Variants in GRIK5 observed in about 807,000 individuals in gnomAD.
GRIK5 encodes the protein glutamate ionotropic receptor kainate type subunit 5.
In GRIK5, 43 loss-of-function variants were observed where a neutral mutation model predicts 97.4. The ratio of observed to expected loss-of-function variants is 0.44; its 90% CI spans 0.35 to 0.57. GRIK5 has a LOEUF of 0.57. GRIK5 is among the 20% of genes least tolerant of loss of function. The pLI, the probability that GRIK5 is intolerant of heterozygous loss-of-function variation, is 0.01. For missense variants in GRIK5, 1,015 were observed against 1,382.0 expected (o/e 0.73, Z 4.21); for synonymous variants, 580 against 583.5 (o/e 0.99, Z 0.09).
intron 11 of GRIK5, among the ~76,000 whole-genome samples, chr19:42,050,620 T>C (rs978177006): frequency 1.4e-5 from 2 of 144,086 alleles, no homozygotes; most frequent in Admixed American, 1.4e-4. Context: ...ATCGCGCCAC[T>C]GCACTCCAGC....
At position 42,022,132 on chromosome 19, in the gene GRIK5, C is replaced by G; in HGVS notation, c.1588-76G>C. On this transcript the variant is annotated intron_variant, in intron 13 of 19. Coordinates refer to ENST00000593562, the MANE Select transcript of GRIK5 (RefSeq NM_002088.5). The surrounding 1 kb of genome is among the most constrained non-coding windows in gnomAD (Gnocchi z 4.2). Reference sequence around the variant, plus strand: ...ACCCAGCCCCTGCCCTACCAGGGACCTGGGAGCCTGACCGGCCCATCTGAG... The same window carrying G: ...ACCCAGCCCCTGCCCTACCAGGGACGTGGGAGCCTGACCGGCCCATCTGAG... The G allele has an allele frequency of 7.1e-7, 1 of 1,404,268 alleles. No homozygotes were observed. Among genetic ancestry groups the G allele is most frequent in the South Asian group, 1.2e-5 (1 of 83,874 alleles). The allele number at this position is 1,404,268 out of a possible 1,614,324, so 87.0% of individuals were successfully genotyped here. A position where few individuals can be genotyped will look rare whatever the true frequency, so the allele number is the denominator to read the frequency against.
Position 42,061,046 on chromosome 19 carries a change from A to C in GRIK5, c.508+1442T>G, listed in dbSNP as rs1215365006. On this transcript the variant is annotated intron_variant, in intron 5 of 19. Coordinates refer to ENST00000593562, the MANE Select transcript of GRIK5 (RefSeq NM_002088.5). ...AGGTGCTTAATAAATACCTTTATTTATTTATTTATTTATTTTTTTGAGACG... is the reference window on the plus strand; with the variant it reads ...AGGTGCTTAATAAATACCTTTATTTCTTTATTTATTTATTTTTTTGAGACG... 5.3e-5 allele frequency among the ~76,000 whole-genome samples: 8 copies of C among 152,014 alleles called. 1 individual carries two copies.
At chr19:42,011,424 G>A (rs1883465056) in intron 15 of GRIK5, among the ~76,000 whole-genome samples, 2 of 151,870 alleles carry the variant, frequency 1.3e-5, no homozygotes, top group Admixed American at 1.3e-4. Context: ...GTGGTAGCGG[G>A]CGCCTGTGGT....
At chr19:42,064,338 T>C (rs979191356) in intron 3 of GRIK5, among the ~76,000 whole-genome samples, 5 of 152,144 alleles carry the variant, frequency 3.3e-5, no homozygotes, top group African/African-American at 7.2e-5. Context: ...CCTACTACCC[T>C]GTCACACTTA....
chr19:42,068,685 G>C (rs941038393), intron 1 of GRIK5: 1 of 443,674 alleles, frequency 2.3e-6, no homozygotes, highest in Non-Finnish European at 4.0e-6. Context: ...GAGGAGTTCT[G>C]ACAGAGAGAG....
chr19:42,056,511 G>A (rs2146152256), intron 8 of GRIK5, 151 bp downstream of exon 8: 1 of 642,470 alleles, frequency 1.6e-6, no homozygotes, highest in Non-Finnish European at 2.7e-6. Flanking sequence ...AGAGAGAGGA[G>A]GACATGGGTC....
chr19:42,019,138 C>T (rs991604036), intron 15 of GRIK5, among the ~76,000 whole-genome samples: 4 of 152,054 alleles, frequency 2.6e-5, no homozygotes, highest in Admixed American at 6.5e-5. Flanking sequence ...CCTGGCTGGG[C>T]GGCAGAAACA....
chr19:42,016,839 G>A (rs1335184927), intron 15 of GRIK5, among the ~76,000 whole-genome samples: 2 of 152,134 alleles, frequency 1.3e-5, no homozygotes, highest in Non-Finnish European at 2.9e-5. Flanking sequence ...GGTGCTCAGC[G>A]TAGGACAGCC....
At position 42,069,374 on chromosome 19, in the gene GRIK5, G is replaced by A. The variant is rs1232932968; in HGVS notation, c.-184C>T. The A allele has an allele frequency of 6.5e-6, 1 of 153,308 alleles. No individual in the cohort carries two copies. The highest frequency in any genetic ancestry group is 2.4e-5 in the African/African-American group (1 of 41,240). The allele number at this position is 153,308 out of a possible 1,614,324, so 9.5% of individuals were successfully genotyped here. A position where few individuals can be genotyped will look rare whatever the true frequency, so the allele number is the denominator to read the frequency against. On this transcript the variant is annotated 5_prime_UTR_variant, in exon 1 of 20. Coordinates refer to ENST00000593562, the MANE Select transcript of GRIK5 (RefSeq NM_002088.5). ...CACAGGGCCCCCTCCCCCGCCGCCG[G>A]TGGTGGCTCCCAACTAATCCAAAAC...
At position 42,042,523 on chromosome 19, in the gene GRIK5, C is replaced by A; in HGVS notation, c.1473+29G>T. ...CCCTCCCTCACTCGCCGGGTCCATG[C>A]ATCTTTCCCGGCCCCAGTCCAGCCA... On this transcript the variant is annotated intron_variant, in intron 12 of 19. Coordinates refer to ENST00000593562, the MANE Select transcript of GRIK5 (RefSeq NM_002088.5). The surrounding 1 kb of genome is among the most constrained non-coding windows in gnomAD (Gnocchi z 6.9). 1.9e-6 allele frequency: 3 copies of A among 1,579,292 alleles called. No homozygotes were observed. The highest frequency in any genetic ancestry group is 2.6e-6 in the Non-Finnish European group (3 of 1,158,964).
At chr19:42,024,181 A>G (rs1019178796) in intron 12 of GRIK5, among the ~76,000 whole-genome samples, 1 of 104,744 alleles carries the variant, frequency 9.5e-6, no homozygotes, top group Non-Finnish European at 2.0e-5. Context: ...CCTCACTCCC[A>G]CTCTAGGGTC....
chr19:42,012,809 G>C (rs1241223131), intron 15 of GRIK5, among the ~76,000 whole-genome samples: 1 of 151,642 alleles, frequency 6.6e-6, no homozygotes, highest in East Asian at 1.9e-4. Context: ...TGAGGCTGCA[G>C]TGAGCCAAGA....
rs11452086 is a variant in GRIK5, at chr19:42,018,149, T to TAA, written c.1871+3150_1871+3151dup. Among the ~76,000 whole-genome samples the TAA allele has an allele frequency of 6.4e-3, 399 of 62,768 alleles. 19 individuals are homozygous for TAA. Among genetic ancestry groups the TAA allele is most frequent in the South Asian group, 0.022 (26 of 1,184 alleles). 41.2% of individuals were successfully genotyped at this position (62,768 alleles called of 152,430 possible). On this transcript the variant is annotated intron_variant, in intron 15 of 19. Coordinates refer to ENST00000593562, the MANE Select transcript of GRIK5 (RefSeq NM_002088.5). ...TAACATGGTGAAACCCCATCTCTAC[T>TAA]AAAAAAAAAAAAAAAAAAAAAAAAA...
At chr19:42,040,180 G>A (rs1393714621) in intron 12 of GRIK5, among the ~76,000 whole-genome samples, 1 of 152,174 alleles carries the variant, frequency 6.6e-6, no homozygotes, top group Non-Finnish European at 1.5e-5. Context: ...GCACAGCAGA[G>A]CTAAGCTTTA....
In GRIK5 at chr19:42,021,446, G is replaced by T. The variant is rs1343730311; in HGVS notation, c.1726C>A (p.His576Asn). 1 of 1,600,264 alleles carries T rather than the reference G, an allele frequency of 6.2e-7. No individual in the cohort carries two copies. Among genetic ancestry groups the T allele is most frequent in the South Asian group, 1.1e-5 (1 of 88,746 alleles). Residue 576 changes from histidine to asparagine, a missense_variant, in exon 15 of 20, where the codon CAC becomes AAC. Physicochemically the swap from His to Asn is moderately conservative, Grantham distance 68 (BLOSUM62 1). Around this residue, in one of 5 missense-constraint regions of GRIK5, gnomAD observed 477 missense variants for 701.1 expected, o/e 0.68. Transcript: ENST00000593562. The surrounding 1 kb of genome is among the most constrained non-coding windows in gnomAD (Gnocchi z 4.2). ...TGGGGGCGTGCCCGCAGGCATGGGTGTGGGTTATACCACTCATAGGGGCTC... is the reference window on the plus strand; with the variant it reads ...TGGGGGCGTGCCCGCAGGCATGGGTTTGGGTTATACCACTCATAGGGGCTC... ...RLSPYEWYNP[H>N]PCLRARPHIL...
intron 15 of GRIK5, among the ~76,000 whole-genome samples, chr19:42,008,566 G>T (rs781961410): frequency 6.6e-6 from 1 of 151,918 alleles, no homozygotes. Context: ...GGTGGAGGTC[G>T]CAGTGAACCG....
At position 42,062,380 on chromosome 19, in the gene GRIK5, T is replaced by C. The variant is rs1386296022; in HGVS notation, c.508+108A>G. The C allele has an allele frequency of 2.8e-6, 3 of 1,068,046 alleles. No individual in the cohort carries two copies. The highest frequency in any genetic ancestry group is 4.1e-6 in the Non-Finnish European group (3 of 738,030). 66.2% of individuals were successfully genotyped at this position (1,068,046 alleles called of 1,614,324 possible). A position where few individuals can be genotyped will look rare whatever the true frequency, so the allele number is the denominator to read the frequency against. On this transcript the variant is annotated intron_variant, in intron 5 of 19. Transcript: ENST00000593562. The surrounding 1 kb of genome is among the most constrained non-coding windows in gnomAD (Gnocchi z 5.3). ...ATGGGAGAAGAGCCTGGTGCCTGGG[T>C]GCCCCAGGGTTCTAACTAGGGGGCA...
chr19:42,056,934 G>A lies in GRIK5; in HGVS notation c.732C>T (p.Leu244=), dbSNP rs1282972920. 1.9e-6 allele frequency: 3 copies of A among 1,582,014 alleles called. No homozygotes were observed. The highest frequency in any genetic ancestry group is 2.6e-6 in the Non-Finnish European group (3 of 1,163,702). Residue 244 remains leucine, a synonymous_variant, in exon 7 of 20, where the codon CTC becomes CTT. Transcript: ENST00000593562. The part of the protein sequence containing the change: ...GMTSAFYKYI[L]TTMDFPILHL... ...CAGAGGGCATACACACCATGGTGGT[G>A]AGGATGTACTTGTAAAACGCTGAGG...
At chr19:42,039,985 A>G (rs970948984) in intron 12 of GRIK5, among the ~76,000 whole-genome samples, 3 of 145,826 alleles carry the variant, frequency 2.1e-5, no homozygotes, top group African/African-American at 5.0e-5. Flanking sequence ...GTCTCAAAGG[A>G]AAAAAAAAAA....
Sources: gnomAD v4.1 joint callset for allele counts (sites outside exome capture counted in the v4.1 genomes callset) on GRCh38, gnomAD v4.1.1 for gene constraint, gnomAD v4.1.1 regional missense constraint, Gnocchi (gnomAD v3.1) non-coding constraint, MANE v1.5 for transcripts, NCBI Gene and HGNC (gene_info 2026-07-23, HGNC 2026-07-21) for gene names.